The following LHFPL3 variants were observed in gnomAD, a reference collection of about 807,000 sequenced individuals.
LHFPL3 encodes LHFPL tetraspan subfamily member 3, also known as LHFPL tetraspan subfamily member 3 protein.
LHFPL3 carries 5 observed loss-of-function variants against 19.3 expected under a neutral mutation model. That is an observed-to-expected ratio of 0.26 (90% CI 0.14 to 0.54). LHFPL3 has a LOEUF of 0.54. Ranked by LOEUF, LHFPL3 falls within the 20% of genes least tolerant of loss-of-function variation. The pLI is 0.94. For synonymous variants in LHFPL3, 133 were observed against 126.2 expected (o/e 1.05, Z -0.36); for missense variants, 249 against 307.4 (o/e 0.81, Z 1.42).
At chr7:104,594,413 G>A (rs1790795752) in intron 1 of LHFPL3, among the ~76,000 whole-genome samples, 1 of 152,210 alleles carries the variant, frequency 6.6e-6, no homozygotes, top group African/African-American at 2.4e-5. Flanking sequence ...TCCGCTGTTA[G>A]TCTGATGGGC....
chr7:104,529,585 T>G (rs1235821680), intron 1 of LHFPL3, among the ~76,000 whole-genome samples: 4 of 152,118 alleles, frequency 2.6e-5, no homozygotes, highest in Non-Finnish European at 5.9e-5. Context: ...CCTGCTTCAG[T>G]GAAAGAAATA....
intron 2 of LHFPL3, among the ~76,000 whole-genome samples, chr7:104,845,661 T>A (rs1339178874): frequency 6.6e-6 from 1 of 152,248 alleles, no homozygotes; most frequent in Non-Finnish European, 1.5e-5. Flanking sequence ...GGCACCTCCC[T>A]GGGAAGGAGC....
At chr7:104,808,895 T>C (rs978743366) in intron 2 of LHFPL3, among the ~76,000 whole-genome samples, 27 of 142,942 alleles carry the variant, frequency 1.9e-4, no homozygotes, top group African/African-American at 6.6e-4. Flanking sequence ...AGATCCTTTT[T>C]TTTTTTTTTT....
At chr7:104,520,247 A>G (rs545309371) in intron 1 of LHFPL3, among the ~76,000 whole-genome samples, 6 of 152,006 alleles carry the variant, frequency 3.9e-5, no homozygotes, top group African/African-American at 1.4e-4. Flanking sequence ...GCTGGATTAC[A>G]TTTATTGATT....
At chr7:104,572,578 C>A (rs1790249344) in intron 1 of LHFPL3, among the ~76,000 whole-genome samples, 2 of 152,064 alleles carry the variant, frequency 1.3e-5, no homozygotes, top group Admixed American at 6.5e-5. Flanking sequence ...AGAACTACAT[C>A]TATTTCTTTT....
intron 1 of LHFPL3, among the ~76,000 whole-genome samples, chr7:104,504,149 C>T (rs769322380): frequency 3.3e-5 from 5 of 152,114 alleles, no homozygotes; most frequent in African/African-American, 4.8e-5. Flanking sequence ...CACCTCTGAA[C>T]GCTCTCTACT....
At chr7:104,843,822 T>C (rs1791260047) in intron 2 of LHFPL3, among the ~76,000 whole-genome samples, 2 of 152,108 alleles carry the variant, frequency 1.3e-5, no homozygotes, top group Non-Finnish European at 2.9e-5. Flanking sequence ...GAATTGGGTG[T>C]CCAGAAGGAG....
chr7:104,444,312 G>T (rs144436403), intron 1 of LHFPL3, among the ~76,000 whole-genome samples: 2 of 152,138 alleles, frequency 1.3e-5, no homozygotes, highest in African/African-American at 4.8e-5. Flanking sequence ...TTTTTTTGGC[G>T]CTGTCAGAGA....
chr7:104,901,524 G>T (rs567587179), intron 2 of LHFPL3, among the ~76,000 whole-genome samples: 14 of 152,054 alleles, frequency 9.2e-5, no homozygotes, highest in African/African-American at 3.4e-4. Context: ...TGGGATTAGG[G>T]TGAGGCAAGC....
At chr7:104,720,548 A>G (rs908146873) in intron 1 of LHFPL3, among the ~76,000 whole-genome samples, 1 of 152,218 alleles carries the variant, frequency 6.6e-6, no homozygotes, top group Non-Finnish European at 1.5e-5. Flanking sequence ...AATGGGATCT[A>G]ATTAAACTAA....
chr7:104,590,984 C>T (rs372496290), intron 1 of LHFPL3, among the ~76,000 whole-genome samples: 10 of 152,100 alleles, frequency 6.6e-5, no homozygotes, highest in African/African-American at 1.9e-4. Flanking sequence ...TCCTCCATCC[C>T]TTTAATTTGA....
At position 104,787,774 on chromosome 7, in the gene LHFPL3, T is replaced by C. The variant is rs530655937; in HGVS notation, c.682+50863T>C. 3.3e-5 allele frequency among the ~76,000 whole-genome samples: 5 copies of C among 152,274 alleles called. No homozygotes were observed. The East Asian group carries it at 9.7e-4, about 29-fold the overall frequency. ...TGTTGCCAGGCTGGTATCAAACTCC[T>C]GGGTTCCTCCTGCCTTAGCCTCCCA... On this transcript the variant is annotated intron_variant, in intron 2 of 2. Transcript: ENST00000424859.
chr7:104,899,796 A>G (rs150243812), intron 2 of LHFPL3, among the ~76,000 whole-genome samples: 169 of 152,142 alleles, frequency 1.1e-3, no homozygotes, highest in African/African-American at 3.9e-3. Flanking sequence ...CAGTGGCGTG[A>G]TCTCAACTCA....
chr7:104,528,383 G>T (rs889962607), intron 1 of LHFPL3, among the ~76,000 whole-genome samples: 1 of 152,130 alleles, frequency 6.6e-6, no homozygotes, highest in African/African-American at 2.4e-5. Flanking sequence ...ATTTAAATTT[G>T]GTGAGAAGTA....
chr7:104,606,014 G>A (rs1347659077), intron 1 of LHFPL3, among the ~76,000 whole-genome samples: 1 of 152,122 alleles, frequency 6.6e-6, no homozygotes, highest in Non-Finnish European at 1.5e-5. Flanking sequence ...CAAGGAGACA[G>A]TTTTATTTTT....
intron 2 of LHFPL3, among the ~76,000 whole-genome samples, chr7:104,811,163 TTTCTTTCTTTTCTTTTC>T (rs923719397): frequency 3.9e-3 from 21 of 5,454 alleles, no homozygotes; most frequent in Non-Finnish European, 4.3e-3. Context: ...TCTTTCTTTC[TTTCTTTCTTTTCTTTTC>T]TTTTCTTTTC....
chr7:104,430,775 G>A (rs1234938184), intron 1 of LHFPL3, among the ~76,000 whole-genome samples: 2 of 151,638 alleles, frequency 1.3e-5, no homozygotes, highest in African/African-American at 4.8e-5. Context: ...GCCCTTCTGT[G>A]GGCTGATTTT....
chr7:104,375,549 C>G (rs2116441079), intron 1 of LHFPL3, among the ~76,000 whole-genome samples: 1 of 152,152 alleles, frequency 6.6e-6, no homozygotes, highest in Non-Finnish European at 1.5e-5. Flanking sequence ...AAAAACTGGA[C>G]TTGATGAAAA....
chr7:104,520,653 A>G (rs1184095332), intron 1 of LHFPL3, among the ~76,000 whole-genome samples: 7 of 143,936 alleles, frequency 4.9e-5, no homozygotes, highest in Non-Finnish European at 9.1e-5. Context: ...CAGAGATTCA[A>G]CTTCTTCCTG....
Sources: gnomAD v4.1 joint callset for allele counts (sites outside exome capture counted in the v4.1 genomes callset) on GRCh38, gnomAD v4.1.1 for gene constraint, MANE v1.5 for transcripts, NCBI Gene and HGNC (gene_info 2026-07-23, HGNC 2026-07-21) for gene names.